The following KIF6 variants were observed in gnomAD, a reference collection of about 807,000 sequenced individuals.
KIF6 encodes kinesin family member 6, also known as kinesin-like protein KIF6.
A neutral mutation model predicts 112.7 loss-of-function variants in KIF6; 106 were observed. The ratio of observed to expected loss-of-function variants is 0.94; its 90% CI spans 0.80 to 1.11. The LOEUF is 1.11. Ranked by LOEUF, KIF6 falls within the 50% of genes least tolerant of loss-of-function variation. KIF6 has a pLI of 0.00. For synonymous variants in KIF6, 339 were observed against 339.9 expected (o/e 1.00, Z 0.03); for missense variants, 929 against 964.0 (o/e 0.96, Z 0.48).
intron 10 of KIF6, 143 bp downstream of exon 10, chr6:39,577,913 T>A (rs12697946): frequency 1.7e-6 from 1 of 583,822 alleles, no homozygotes; most frequent in Non-Finnish European, 3.0e-6. Flanking sequence ...AAGCCGCCAC[T>A]CTTAACTGGC....
At chr6:39,344,857 A>G (rs1763585283) in intron 21 of KIF6, among the ~76,000 whole-genome samples, 1 of 146,556 alleles carries the variant, frequency 6.8e-6, no homozygotes, top group Non-Finnish European at 1.5e-5. Context: ...AGTTGCCACA[A>G]CTAAAAAAAC....
intron 13 of KIF6, among the ~76,000 whole-genome samples, chr6:39,478,726 A>G (rs1282972479): frequency 7.3e-6 from 1 of 136,938 alleles, no homozygotes; most frequent in Non-Finnish European, 1.6e-5. Flanking sequence ...TTTTGGTGGT[A>G]GAAGTGTTCC....
intron 13 of KIF6, among the ~76,000 whole-genome samples, chr6:39,512,191 G>A (rs956534254): frequency 2.0e-5 from 3 of 152,188 alleles, no homozygotes; most frequent in Non-Finnish European, 4.4e-5. Flanking sequence ...CTTTGCCTCT[G>A]CCAAGAGACT....
chr6:39,416,461 C>T (rs189380440), intron 15 of KIF6, among the ~76,000 whole-genome samples: 14 of 152,182 alleles, frequency 9.2e-5, no homozygotes, highest in Middle Eastern at 3.4e-3. Context: ...AATGGCTCTC[C>T]GACAGAAACA....
At chr6:39,704,066 A>G (rs1191143681) in intron 3 of KIF6, among the ~76,000 whole-genome samples, 1 of 152,214 alleles carries the variant, frequency 6.6e-6, no homozygotes, top group Non-Finnish European at 1.5e-5. Flanking sequence ...ACCAAATCTA[A>G]AAAGAGTTAA....
chr6:39,597,887 C>T (rs1582234113), intron 6 of KIF6, among the ~76,000 whole-genome samples: 2 of 152,042 alleles, frequency 1.3e-5, no homozygotes, highest in African/African-American at 2.4e-5. Flanking sequence ...AGGACTCGGC[C>T]GGGTGTGGTG....
intron 13 of KIF6, among the ~76,000 whole-genome samples, chr6:39,435,484 T>C (rs1174421781): frequency 6.6e-6 from 1 of 152,172 alleles, no homozygotes; most frequent in East Asian, 1.9e-4. Context: ...CTCACCTGAA[T>C]AGTGTACATT....
intron 13 of KIF6, among the ~76,000 whole-genome samples, chr6:39,501,300 C>G (rs1776122959): frequency 6.6e-6 from 1 of 152,082 alleles, no homozygotes; most frequent in Admixed American, 6.5e-5. Context: ...AAAATAACAA[C>G]AAATCACAAA....
chr6:39,555,920 C>T (rs1779681662), intron 10 of KIF6, among the ~76,000 whole-genome samples: 1 of 145,174 alleles, frequency 6.9e-6, no homozygotes, highest in Admixed American at 7.0e-5. Context: ...CCCCACTGCA[C>T]TCCAGCCTGG....
At chr6:39,528,563 T>G (rs539472981) in intron 13 of KIF6, among the ~76,000 whole-genome samples, 1 of 152,344 alleles carries the variant, frequency 6.6e-6, no homozygotes, top group East Asian at 1.9e-4. Context: ...TTTTCCACAA[T>G]GGCTGTATTA....
chr6:39,636,184 T>C (rs1311376117), intron 4 of KIF6, among the ~76,000 whole-genome samples: 3 of 152,074 alleles, frequency 2.0e-5, no homozygotes, highest in African/African-American at 7.2e-5. Context: ...TCCCTATCTG[T>C]TCTTCAGTGT....
chr6:39,565,234 C>T (rs962549907), intron 10 of KIF6, among the ~76,000 whole-genome samples: 4 of 152,156 alleles, frequency 2.6e-5, no homozygotes, highest in Non-Finnish European at 5.9e-5. Context: ...CTTTGTGCTC[C>T]TGATCTTTAT....
chr6:39,532,788 CAT>C (rs1163871078), intron 13 of KIF6, among the ~76,000 whole-genome samples: 2 of 152,178 alleles, frequency 1.3e-5, no homozygotes, highest in African/African-American at 2.4e-5. Flanking sequence ...CATTCCAACA[CAT>C]GTTTATACAA....
chr6:39,704,618 TA>T (rs1214360355), intron 3 of KIF6, among the ~76,000 whole-genome samples: 215 of 143,466 alleles, frequency 1.5e-3, no homozygotes, highest in Middle Eastern at 3.5e-3. Flanking sequence ...ACTCCGTCTT[TA>T]AAAAAAAAAA....
At position 39,334,381 on chromosome 6, in the gene KIF6, G is replaced by A. The variant is rs1361580986; in HGVS notation, c.*2151C>T. ...GCATCGCTTAAGGCCAGGAATTTGA[G>A]ACCATCCTGAGCCACACAGTGAGAC... is the stretch of plus-strand genomic sequence containing the variant. On this transcript the variant is annotated 3_prime_UTR_variant, in exon 23 of 23. Transcript: ENST00000287152. 1 of 152,298 alleles carries A rather than the reference G, an allele frequency of 6.6e-6. No individual in the cohort carries two copies. The highest frequency in any genetic ancestry group is 1.5e-5 in the Non-Finnish European group (1 of 68,114). The allele number at this position is 152,298 out of a possible 1,614,324, so 9.4% of individuals were successfully genotyped here. A position where few individuals can be genotyped will look rare whatever the true frequency, so the allele number is the denominator to read the frequency against.
intron 13 of KIF6, among the ~76,000 whole-genome samples, chr6:39,432,844 A>G (rs1427536935): frequency 1.3e-5 from 2 of 152,122 alleles, no homozygotes; most frequent in East Asian, 3.9e-4. Flanking sequence ...AGAGGGCATG[A>G]GACTTTGGAC....
intron 3 of KIF6, among the ~76,000 whole-genome samples, chr6:39,706,180 T>A (rs1438574680): frequency 1.3e-5 from 2 of 152,244 alleles, no homozygotes; most frequent in Non-Finnish European, 2.9e-5. Context: ...TATGCTTTTT[T>A]TTCTGTAGGT....
At chr6:39,613,062 G>T in intron 6 of KIF6, 127 bp downstream of exon 6, 1 of 672,368 alleles carries the variant, frequency 1.5e-6, no homozygotes, top group Non-Finnish European at 2.2e-6. Flanking sequence ...TGTGAGGTTT[G>T]GACGAGATTA....
rs1762882303 is a variant in KIF6, at chr6:39,335,530, G to A, written c.*1002C>T. 6.6e-6 allele frequency: 1 copy of A among 152,078 alleles called. No homozygotes were observed. The highest frequency in any genetic ancestry group is 1.5e-5 in the Non-Finnish European group (1 of 68,050). The allele number at this position is 152,078 out of a possible 1,614,324, so 9.4% of individuals were successfully genotyped here. A position where few individuals can be genotyped will look rare whatever the true frequency, so the allele number is the denominator to read the frequency against. On this transcript the variant is annotated 3_prime_UTR_variant, in exon 23 of 23. Coordinates refer to ENST00000287152, the MANE Select transcript of KIF6 (RefSeq NM_145027.6). ...TATTTATAGGACAGAGACACCAGGA[G>A]CAGTGGACCAGCACTTTTATCCAGT...
Sources: allele counts gnomAD v4.1 joint callset (sites outside exome capture counted in the v4.1 genomes callset), GRCh38; gene constraint gnomAD v4.1.1; transcripts MANE v1.5; gene names NCBI Gene and HGNC (gene_info 2026-07-23, HGNC 2026-07-21).